Variants in SNAP91 observed in about 807,000 individuals in gnomAD.
SNAP91 encodes the protein clathrin coat assembly protein AP180.
A neutral mutation model predicts 100.3 loss-of-function variants in SNAP91; 27 were observed. That is an observed-to-expected ratio of 0.27 (90% CI 0.20 to 0.37). The LOEUF is 0.37. Among genes scored for constraint, SNAP91 ranks in the 10% least tolerant of loss-of-function variants. The probability of loss-of-function intolerance (pLI) is 1.00; values close to 1 mark genes in which losing one functional copy is unlikely to be tolerated. For synonymous variants in SNAP91, 404 were observed against 398.6 expected, an observed-to-expected ratio of 1.01 and a Z score of -0.16; for missense variants, 986 against 1,123.7, an observed-to-expected ratio of 0.88 and a Z score of 1.75.
intron 9 of SNAP91, 63 bp from the exon 10 acceptor site, chr6:83,617,102 T>C: frequency 9.0e-7 from 1 of 1,108,164 alleles, no homozygotes; most frequent in Admixed American, 2.3e-5. Context: ...CACACTGTAA[T>C]GTCACTGTAA....
chr6:83,703,788 G>A (rs983342777), intron 2 of SNAP91, among the ~76,000 whole-genome samples: 2 of 152,032 alleles, frequency 1.3e-5, no homozygotes, highest in East Asian at 1.9e-4. Flanking sequence ...TGTTTAATAC[G>A]GAAAAAATAG....
At chr6:83,620,949 T>C (rs1213607692) in intron 9 of SNAP91, among the ~76,000 whole-genome samples, 1 of 152,126 alleles carries the variant, frequency 6.6e-6, no homozygotes. Context: ...ATGATTCGCC[T>C]GCCTCAGCCT....
At chr6:83,558,857 C>A (rs1229496934) in intron 28 of SNAP91, among the ~76,000 whole-genome samples, 1 of 152,122 alleles carries the variant, frequency 6.6e-6, no homozygotes, top group Non-Finnish European at 1.5e-5. Context: ...TTCTTTGGTT[C>A]TACATGTAAC....
At chr6:83,610,728 T>A (rs1687340830) in intron 11 of SNAP91, 51 bp from the exon 12 acceptor site, 1 of 208,724 alleles carries the variant, frequency 4.8e-6, no homozygotes, top group Non-Finnish European at 8.5e-6. Context: ...TATATATATA[T>A]ATATATATAT....
intron 7 of SNAP91, among the ~76,000 whole-genome samples, chr6:83,643,262 C>A (rs1297642611): frequency 6.6e-6 from 1 of 152,162 alleles, no homozygotes; most frequent in Non-Finnish European, 1.5e-5. Flanking sequence ...GAAGTCCTTG[C>A]CCATGCCTAT....
chr6:83,634,353 C>T (rs557573678), intron 8 of SNAP91, among the ~76,000 whole-genome samples: 2 of 150,930 alleles, frequency 1.3e-5, no homozygotes, highest in East Asian at 1.9e-4. Flanking sequence ...TCTAGGCCTA[C>T]GGTTTCCCCA....
intron 8 of SNAP91, among the ~76,000 whole-genome samples, chr6:83,633,018 C>G (rs2097273300): frequency 6.6e-6 from 1 of 152,182 alleles, no homozygotes; most frequent in Non-Finnish European, 1.5e-5. Context: ...TAGGCTCTGT[C>G]AGACAGAAAG....
chr6:83,667,888 C>T (rs959858643), intron 2 of SNAP91, among the ~76,000 whole-genome samples: 4 of 152,144 alleles, frequency 2.6e-5, no homozygotes, highest in Admixed American at 6.6e-5. Flanking sequence ...TCAGAGTGGA[C>T]AGGCAACCTA....
intron 11 of SNAP91, 139 bp from the exon 12 acceptor site, chr6:83,610,816 T>C (rs1400267612): frequency 4.7e-6 from 1 of 213,774 alleles, no homozygotes; most frequent in Non-Finnish European, 9.4e-6. Flanking sequence ...CTAACTTGTT[T>C]TATATACAGA....
chr6:83,655,482 A>G (rs1235728701), intron 7 of SNAP91, among the ~76,000 whole-genome samples: 1 of 152,198 alleles, frequency 6.6e-6, no homozygotes, highest in Non-Finnish European at 1.5e-5. Context: ...ACACTCCAAT[A>G]CAGGCCTCCA....
intron 2 of SNAP91, among the ~76,000 whole-genome samples, chr6:83,666,360 C>T (rs558235438): frequency 7.2e-5 from 11 of 152,130 alleles, no homozygotes; most frequent in African/African-American, 2.2e-4. Context: ...AGAAGCTAAG[C>T]CACAGTGGGA....
chr6:83,601,190 C>T (rs182082473), intron 16 of SNAP91, 81 bp downstream of exon 16: 91 of 1,366,860 alleles, frequency 6.7e-5, no homozygotes, highest in East Asian at 3.3e-4. Context: ...TGTTACATAA[C>T]GGAAAAAATT....
chr6:83,623,372 G>T (rs367825778), intron 8 of SNAP91, 30 bp from the exon 9 acceptor site: 2 of 1,532,602 alleles, frequency 1.3e-6, no homozygotes, highest in African/African-American at 1.4e-5. Flanking sequence ...GAAATTAGTA[G>T]AACTTTTAAA....
intron 11 of SNAP91, among the ~76,000 whole-genome samples, chr6:83,611,863 A>ATTTTTTTTTTTTTTT (rs750966269): frequency 6.6e-5 from 6 of 91,260 alleles, no homozygotes; most frequent in African/African-American, 1.5e-4. Flanking sequence ...CGCCCGGCTA[A>ATTTTTTTTTTTTTTT]TTTTTTTTTT....
chr6:83,557,742 T>G (rs1000982917), intron 28 of SNAP91, among the ~76,000 whole-genome samples: 1 of 151,980 alleles, frequency 6.6e-6, no homozygotes, highest in Non-Finnish European at 1.5e-5. Flanking sequence ...GAGAGAGATA[T>G]ATATATAAAT....
Position 83,662,364 on chromosome 6 carries a change from TC to T in SNAP91, c.331del (p.Asp111ThrfsTer14). On this transcript the variant is annotated frameshift_variant, in exon 4 of 30. Coordinates refer to ENST00000369694, the MANE Select transcript of SNAP91 (RefSeq NM_001242792.2). LOFTEE classifies it high-confidence loss of function. ...ATTCTCACCATGGGATCCACTTTTG[TC>T]CAAAAAATTGCTGAGATTGAATAGT... ...NTLFNLSNFLDKSGSHGYDMS... is the reference protein window; with the variant it reads ...NTLFNLSNFLXKSGSHGYDMS... 7.0e-7 allele frequency: 1 copy of T among 1,437,056 alleles called. No homozygotes were observed. The highest frequency in any genetic ancestry group is 9.3e-7 in the Non-Finnish European group (1 of 1,080,358). The allele number at this position is 1,437,056 out of a possible 1,614,324, so 89.0% of individuals were successfully genotyped here.
At chr6:83,572,783 A>C (rs900624104) in intron 26 of SNAP91, among the ~76,000 whole-genome samples, 1 of 152,246 alleles carries the variant, frequency 6.6e-6, no homozygotes, top group Non-Finnish European at 1.5e-5. Flanking sequence ...ACAGAAGGGA[A>C]TAGGAAAATT....
chr6:83,653,694 T>C (rs1231030599), intron 7 of SNAP91, among the ~76,000 whole-genome samples: 1 of 152,208 alleles, frequency 6.6e-6, no homozygotes, highest in African/African-American at 2.4e-5. Context: ...CTGTACATGA[T>C]GTACCAGGTA....
chr6:83,682,344 C>A (rs58023593), intron 2 of SNAP91, among the ~76,000 whole-genome samples: 1 of 151,532 alleles, frequency 6.6e-6, no homozygotes, highest in South Asian at 2.1e-4. Flanking sequence ...CCACACCTAG[C>A]TAATTTTTGT....
Sources: allele counts gnomAD v4.1 joint callset (sites outside exome capture counted in the v4.1 genomes callset), GRCh38; gene constraint gnomAD v4.1.1; transcripts MANE v1.5; gene names NCBI Gene and HGNC (gene_info 2026-07-23, HGNC 2026-07-21).